The following NCOA6 variants were observed in gnomAD, a reference collection of about 807,000 sequenced individuals.
NCOA6 encodes the protein nuclear receptor coactivator 6.
In NCOA6, 49 loss-of-function variants were observed where a neutral mutation model predicts 171.4. The observed-to-expected ratio is 0.29, with a 90% CI of 0.23 to 0.36. NCOA6 has a LOEUF of 0.36. NCOA6 is among the 10% of genes least tolerant of loss of function. The probability of loss-of-function intolerance (pLI) is 1.00; values close to 1 mark genes in which losing one functional copy is unlikely to be tolerated. For missense variants in NCOA6, 2,248 were observed against 2,554.5 expected, an observed-to-expected ratio of 0.88 and a Z score of 2.59; for synonymous variants, 910 against 927.5, an observed-to-expected ratio of 0.98 and a Z score of 0.34.
At position 34,802,377 on chromosome 20, in the gene NCOA6, G is replaced by A. The variant is rs145914277; in HGVS notation, c.-163-9814C>T. Reference sequence around the variant, plus strand: ...AGCACTTTGGGAGGCCGAGGCAGTCGGATCACGAGGTTAGGAGATCGAGAC... The same window carrying A: ...AGCACTTTGGGAGGCCGAGGCAGTCAGATCACGAGGTTAGGAGATCGAGAC... On this transcript the variant is annotated intron_variant, in intron 1 of 14. Coordinates refer to ENST00000359003, the MANE Select transcript of NCOA6 (RefSeq NM_014071.5). 2.1e-3 allele frequency among the ~76,000 whole-genome samples: 318 copies of A among 152,294 alleles called. 3 individuals are homozygous for A. Among genetic ancestry groups the A allele is most frequent in the African/African-American group, 7.1e-3 (294 of 41,560 alleles).
intron 1 of NCOA6, among the ~76,000 whole-genome samples, chr20:34,824,312 G>C (rs965708679): frequency 2.0e-5 from 3 of 152,156 alleles, no homozygotes; most frequent in Non-Finnish European, 4.4e-5. Flanking sequence ...ACAATTTCTA[G>C]TACCCCTCTG....
chr20:34,757,602 T>C lies in NCOA6; in HGVS notation c.1146A>G (p.Gln382=), dbSNP rs752512545. The C allele has an allele frequency of 1.9e-6, 3 of 1,613,798 alleles. No individual in the cohort carries two copies. Among genetic ancestry groups the C allele is most frequent in the Non-Finnish European group, 2.5e-6 (3 of 1,179,904 alleles). The change falls in exon 7 of 15, where the codon CAA becomes CAG. Residue 382 remains glutamine, a synonymous_variant. Coordinates refer to ENST00000359003, the MANE Select transcript of NCOA6 (RefSeq NM_014071.5). Reference sequence around the variant, plus strand: ...GAAAGTTTGTGTGGGCTTGTGAGGCTTGCTGGCTGCCAAAGGGATATGGAG... The same window carrying C: ...GAAAGTTTGTGTGGGCTTGTGAGGCCTGCTGGCTGCCAAAGGGATATGGAG... The part of the protein sequence containing the change: ...PPPPYPFGSQ[Q]ASQAHTNFPQ...
At chr20:34,769,933 C>A (rs2077094673) in intron 4 of NCOA6, among the ~76,000 whole-genome samples, 1 of 152,152 alleles carries the variant, frequency 6.6e-6, no homozygotes, top group Non-Finnish European at 1.5e-5. Context: ...CTGCACTCAC[C>A]CAAGTCCTTC....
chr20:34,799,162 A>G (rs2078176368), intron 1 of NCOA6, among the ~76,000 whole-genome samples: 1 of 152,214 alleles, frequency 6.6e-6, no homozygotes, highest in Admixed American at 6.5e-5. Flanking sequence ...AATTAAAAAA[A>G]TCAAGCAGAA....
chr20:34,757,070 C>CT, intron 7 of NCOA6, 150 bp downstream of exon 7: 1 of 785,798 alleles, frequency 1.3e-6, no homozygotes, highest in Non-Finnish European at 1.9e-6. Flanking sequence ...ATCAAGTTAA[C>CT]TTTAAGTTAT....
intron 1 of NCOA6, among the ~76,000 whole-genome samples, chr20:34,796,290 G>A (rs2078070869): frequency 6.6e-6 from 1 of 152,024 alleles, no homozygotes; most frequent in East Asian, 2.0e-4. Context: ...GATTATAGGT[G>A]TGAGCCACCG....
intron 12 of NCOA6, among the ~76,000 whole-genome samples, chr20:34,736,013 C>A (rs141974554): frequency 6.6e-6 from 1 of 151,856 alleles, no homozygotes; most frequent in Non-Finnish European, 1.5e-5. Flanking sequence ...ACCATATCTG[C>A]GATATTTATC....
chr20:34,793,077 C>A (rs1240914318), intron 1 of NCOA6, among the ~76,000 whole-genome samples: 1 of 152,064 alleles, frequency 6.6e-6, no homozygotes, highest in Non-Finnish European at 1.5e-5. Flanking sequence ...GCCACTGCCC[C>A]CAGCCTTTTT....
intron 1 of NCOA6, among the ~76,000 whole-genome samples, chr20:34,796,378 G>C (rs2078074046): frequency 6.6e-6 from 1 of 152,032 alleles, no homozygotes; most frequent in African/African-American, 2.4e-5. Context: ...CATCACTCTG[G>C]GGGTGCTGAG....
chr20:34,716,820 T>A (rs973439830), intron 14 of NCOA6, among the ~76,000 whole-genome samples: 8 of 152,118 alleles, frequency 5.3e-5, no homozygotes, highest in African/African-American at 1.9e-4. Flanking sequence ...GTGAATAGCC[T>A]GAAGCTCTCC....
intron 13 of NCOA6, among the ~76,000 whole-genome samples, chr20:34,731,106 G>A (rs542106778): frequency 6.6e-6 from 1 of 152,016 alleles, no homozygotes; most frequent in South Asian, 2.1e-4. Flanking sequence ...TGCAACCTCC[G>A]CCTCCCAGGT....
intron 1 of NCOA6, among the ~76,000 whole-genome samples, chr20:34,799,490 T>C (rs796449661): frequency 2.0e-5 from 3 of 152,274 alleles, no homozygotes; most frequent in African/African-American, 4.8e-5. Context: ...AAGAAAGTTA[T>C]AGAACACAAG....
chr20:34,792,606 G>T (rs2146338910), intron 1 of NCOA6, 43 bp from the exon 2 acceptor site: 1 of 396,496 alleles, frequency 2.5e-6, no homozygotes, highest in East Asian at 3.6e-5. Context: ...GAGAGAGAGA[G>T]ATAAAATAAA....
intron 1 of NCOA6, among the ~76,000 whole-genome samples, 178 bp downstream of exon 1, chr20:34,825,294 G>C (rs1230914670): frequency 4.0e-5 from 6 of 151,410 alleles, no homozygotes; most frequent in Non-Finnish European, 8.9e-5. Context: ...GGGGACACAA[G>C]CGCGGCGGGC....
chr20:34,755,767 G>A (rs1215936680), intron 7 of NCOA6, among the ~76,000 whole-genome samples: 4 of 151,756 alleles, frequency 2.6e-5, no homozygotes, highest in East Asian at 1.9e-4. Context: ...ATGGAGTCTC[G>A]CTCTGTTGCC....
chr20:34,746,483 T>C (rs1008667258), intron 10 of NCOA6, among the ~76,000 whole-genome samples: 19 of 152,212 alleles, frequency 1.2e-4, no homozygotes, highest in African/African-American at 4.6e-4. Flanking sequence ...GCTCAAGCGA[T>C]CTGCTCATCT....
At chr20:34,776,160 T>C (rs567601329) in intron 4 of NCOA6, 133 bp downstream of exon 4, 5 of 1,187,910 alleles carry the variant, frequency 4.2e-6, no homozygotes, top group Non-Finnish European at 5.9e-6. Flanking sequence ...CAAAGCAAAG[T>C]ACAAGTTACA....
At chr20:34,824,938 T>TG (rs1255573465) in intron 1 of NCOA6, among the ~76,000 whole-genome samples, 2 of 152,082 alleles carry the variant, frequency 1.3e-5, no homozygotes, top group Non-Finnish European at 2.9e-5. Flanking sequence ...AGCCTGAGCT[T>TG]GGCCCCCATG....
At chr20:34,738,094 G>T (rs1489451729) in intron 11 of NCOA6, among the ~76,000 whole-genome samples, 1 of 151,950 alleles carries the variant, frequency 6.6e-6, no homozygotes, top group Non-Finnish European at 1.5e-5. Flanking sequence ...GTAGAGACAG[G>T]GTTTCGCCTC....
Sources: gnomAD v4.1 joint callset for allele counts (sites outside exome capture counted in the v4.1 genomes callset) on GRCh38, gnomAD v4.1.1 for gene constraint, MANE v1.5 for transcripts, NCBI Gene and HGNC (gene_info 2026-07-23, HGNC 2026-07-21) for gene names.